The following RTL4 variants were observed in gnomAD, a reference collection of about 807,000 sequenced individuals.
The protein encoded by RTL4 is retrotransposon Gag-like protein 4.
In RTL4, 4 loss-of-function variants were observed where a neutral mutation model predicts 5.3. The ratio of observed to expected loss-of-function variants is 0.75; its 90% CI spans 0.37 to 1.72. The LOEUF (loss-of-function observed/expected upper bound fraction) is 1.72, where lower values mean the gene tolerates loss of function less well. RTL4 is among the 40% of genes most tolerant of loss of function. The pLI, the probability that RTL4 is intolerant of heterozygous loss-of-function variation, is 0.04. For missense variants in RTL4, 260 were observed against 227.1 expected (o/e 1.14, Z -0.93); for synonymous variants, 98 against 87.3 (o/e 1.12, Z -0.68).
the RTL4 span, among the ~76,000 whole-genome samples, chrX:112,224,346 A>C: frequency 1.9e-5 from 2 of 104,523 alleles, no homozygotes; most frequent in African/African-American, 7.3e-5. Context: ...TTATTTATTT[A>C]TTTATTTATT....
chrX:112,448,970 T>A, the RTL4 span, among the ~76,000 whole-genome samples: 1 of 111,993 alleles, frequency 8.9e-6, no homozygotes, highest in South Asian at 3.8e-4. Flanking sequence ...GAATTAAGTA[T>A]GTTAAAAAGG....
chrX:112,310,990 G>A, the RTL4 span, among the ~76,000 whole-genome samples: 8 of 104,577 alleles, frequency 7.6e-5, no homozygotes, highest in African/African-American at 2.8e-4. Flanking sequence ...CCTCCTGGGA[G>A]GTATTTTTTC....
At chrX:112,088,475 G>A in the RTL4 span, among the ~76,000 whole-genome samples, 52 of 111,571 alleles carry the variant, frequency 4.7e-4, no homozygotes, top group African/African-American at 1.3e-3. Context: ...TGGACATTTC[G>A]CTTGTTTCCA....
chrX:112,242,174 T>G, the RTL4 span, among the ~76,000 whole-genome samples: 2 of 112,037 alleles, frequency 1.8e-5, no homozygotes, highest in African/African-American at 6.5e-5. Context: ...GTCTTGGCAA[T>G]GCGGGCTCTT....
the RTL4 span, among the ~76,000 whole-genome samples, chrX:112,199,713 G>A: frequency 9.0e-6 from 1 of 111,228 alleles, no homozygotes; most frequent in Middle Eastern, 4.2e-3. Context: ...CCATTTGGAT[G>A]AAACTCACTT....
the RTL4 span, among the ~76,000 whole-genome samples, chrX:112,146,344 T>G: frequency 2.7e-5 from 3 of 110,709 alleles, no homozygotes; most frequent in African/African-American, 9.9e-5. Flanking sequence ...GGAAAAAATT[T>G]GGGAGGGAAA....
chrX:112,265,093 G>T, the RTL4 span, among the ~76,000 whole-genome samples: 1 of 112,500 alleles, frequency 8.9e-6, no homozygotes, highest in African/African-American at 3.2e-5. Context: ...GCAGCAGCTG[G>T]AGCCACCCAG....
At chrX:112,086,401 G>A in the RTL4 span, among the ~76,000 whole-genome samples, 3 of 112,406 alleles carry the variant, frequency 2.7e-5, no homozygotes, top group Non-Finnish European at 5.6e-5. Context: ...CAAAAGAAAT[G>A]GAATGTAAAA....
the RTL4 span, among the ~76,000 whole-genome samples, chrX:112,163,928 G>A: frequency 8.9e-6 from 1 of 111,735 alleles, no homozygotes; most frequent in Admixed American, 9.5e-5. Context: ...ATGAGCCTCT[G>A]GGAATGGCGC....
exon 1 of RTL4, chrX:112,456,335 G>A: frequency 3.2e-6 from 1 of 308,654 alleles, no homozygotes; most frequent in Non-Finnish European, 5.9e-6. Flanking sequence ...TTACAAACCA[G>A]ATTGAATGGG....
chrX:112,106,535 A>G, the RTL4 span, among the ~76,000 whole-genome samples: 8,293 of 111,860 alleles, frequency 0.074, 556 homozygotes, highest in African/African-American at 0.21. Flanking sequence ...TTGTAAATAT[A>G]TCCAGCAGTG....
the RTL4 span, among the ~76,000 whole-genome samples, chrX:112,315,057 G>A: frequency 1.3e-4 from 14 of 111,414 alleles, no homozygotes; most frequent in African/African-American, 2.9e-4. Flanking sequence ...ATATAATGGC[G>A]GTCCTTACAA....
chrX:112,324,314 T>G, the RTL4 span, among the ~76,000 whole-genome samples: 1 of 112,306 alleles, frequency 8.9e-6, no homozygotes, highest in Non-Finnish European at 1.9e-5. Flanking sequence ...TGTTGATTAT[T>G]TCCTTGGCAG....
chrX:112,126,885 A>G, the RTL4 span, among the ~76,000 whole-genome samples: 1 of 111,935 alleles, frequency 8.9e-6, no homozygotes, highest in Non-Finnish European at 1.9e-5. Context: ...GAATAGACCT[A>G]TAAAAAGTTT....
chrX:112,455,037 A>G (rs1926811466), exon 1 of RTL4: 2 of 1,209,966 alleles, frequency 1.7e-6, no homozygotes, highest in African/African-American at 3.5e-5. Flanking sequence ...TTGATTACCT[A>G]TCTCAGCAGT....
chrX:112,168,053 C>T, the RTL4 span, among the ~76,000 whole-genome samples: 1 of 111,711 alleles, frequency 9.0e-6, no homozygotes, highest in Non-Finnish European at 1.9e-5. Context: ...AAAGGTTCAC[C>T]TATTTGCTGA....
the RTL4 span, among the ~76,000 whole-genome samples, chrX:112,396,442 G>C: frequency 8.7e-4 from 97 of 111,368 alleles, no homozygotes; most frequent in African/African-American, 3.0e-3. Flanking sequence ...TTATAAAGGT[G>C]CTTTTTGTGT....
chrX:112,269,770 A>T, the RTL4 span, among the ~76,000 whole-genome samples: 2 of 111,889 alleles, frequency 1.8e-5, no homozygotes, highest in Non-Finnish European at 3.8e-5. Context: ...CTTTGATCTC[A>T]GTCCTCAAGA....
the RTL4 span, among the ~76,000 whole-genome samples, chrX:112,396,422 T>G: frequency 9.0e-6 from 1 of 111,431 alleles, no homozygotes; most frequent in Non-Finnish European, 1.9e-5. Flanking sequence ...GCTCACCTGA[T>G]TTTTCGTTAT....
Sources: gnomAD v4.1 joint callset for allele counts (sites outside exome capture counted in the v4.1 genomes callset) on GRCh38, gnomAD v4.1.1 for gene constraint, MANE v1.5 for transcripts, NCBI Gene and HGNC (gene_info 2026-07-23, HGNC 2026-07-21) for gene names.